The following FER variants were observed in gnomAD, a reference collection of about 807,000 sequenced individuals.
FER encodes tyrosine-protein kinase Fer.
A neutral mutation model predicts 111.0 loss-of-function variants in FER; 63 were observed. That is an observed-to-expected ratio of 0.57 (90% CI 0.46 to 0.70). FER has a LOEUF of 0.70. Ranked by LOEUF, FER falls within the 30% of genes least tolerant of loss-of-function variation. The pLI, the probability that FER is intolerant of heterozygous loss-of-function variation, is 0.00. For synonymous variants in FER, 327 were observed against 313.9 expected, an observed-to-expected ratio of 1.04 and a Z score of -0.44; for missense variants, 914 against 954.0, an observed-to-expected ratio of 0.96 and a Z score of 0.55.
intron 17 of FER, among the ~76,000 whole-genome samples, chr5:109,176,839 A>C (rs1561994395): frequency 6.6e-6 from 1 of 152,226 alleles, no homozygotes; most frequent in Non-Finnish European, 1.5e-5. Context: ...TCTGCCAAGG[A>C]GTACACTTGG....
At chr5:109,035,506 A>G (rs113572490) in intron 13 of FER, among the ~76,000 whole-genome samples, 375 of 152,308 alleles carry the variant, frequency 2.5e-3, no homozygotes, top group African/African-American at 8.5e-3. Flanking sequence ...AGTTCCCTGA[A>G]TGTACCAAAA....
intron 19 of FER, 83 bp downstream of exon 19, chr5:109,186,405 G>T (rs1367897979): frequency 6.2e-7 from 1 of 1,600,444 alleles, no homozygotes; most frequent in Non-Finnish European, 8.5e-7. Flanking sequence ...TTGAGGAGGG[G>T]TGTGTTAAAT....
At chr5:109,089,061 G>C (rs1182372788) in intron 16 of FER, among the ~76,000 whole-genome samples, 1 of 152,170 alleles carries the variant, frequency 6.6e-6, no homozygotes, top group Non-Finnish European at 1.5e-5. Context: ...ATGGCAGTTT[G>C]TATTTGGCAT....
At chr5:108,923,829 C>A (rs886311986) in intron 10 of FER, among the ~76,000 whole-genome samples, 3 of 151,810 alleles carry the variant, frequency 2.0e-5, no homozygotes, top group Non-Finnish European at 4.4e-5. Flanking sequence ...ATATTCTTTT[C>A]CTTTGAATGA....
At chr5:108,993,617 A>G (rs113040855) in intron 13 of FER, among the ~76,000 whole-genome samples, 15,206 of 104,508 alleles carry the variant, frequency 0.15, 915 homozygotes, top group African/African-American at 0.2. Flanking sequence ...GGGAGAGGGC[A>G]AGGGCGAGGG....
chr5:109,157,786 T>A (rs970434656), intron 17 of FER, among the ~76,000 whole-genome samples: 1 of 152,164 alleles, frequency 6.6e-6, no homozygotes, highest in Non-Finnish European at 1.5e-5. Context: ...AGAACTTTGA[T>A]GCATTTATTC....
chr5:108,962,259 T>C (rs1759245053), intron 13 of FER, among the ~76,000 whole-genome samples: 2 of 152,182 alleles, frequency 1.3e-5, no homozygotes, highest in African/African-American at 4.8e-5. Context: ...TGGAAGAAAT[T>C]TTTGTAAAGA....
At chr5:109,011,591 C>G (rs1040138911) in intron 13 of FER, among the ~76,000 whole-genome samples, 4 of 152,138 alleles carry the variant, frequency 2.6e-5, no homozygotes, top group African/African-American at 9.7e-5. Context: ...CATGGTTATC[C>G]TTCTCTCACA....
chr5:108,824,541 C>T (rs1406270592), intron 3 of FER, among the ~76,000 whole-genome samples: 3 of 151,886 alleles, frequency 2.0e-5, no homozygotes, highest in East Asian at 1.9e-4. Flanking sequence ...TCCTATGTAT[C>T]GTATTATTTT....
chr5:108,794,918 TA>T (rs1755841325), intron 2 of FER, among the ~76,000 whole-genome samples: 1 of 152,242 alleles, frequency 6.6e-6, no homozygotes, highest in East Asian at 1.9e-4. Flanking sequence ...CATGAATATT[TA>T]CATCTTTCTA....
chr5:108,810,813 G>C (rs762590659), intron 3 of FER, among the ~76,000 whole-genome samples: 6 of 152,180 alleles, frequency 3.9e-5, no homozygotes, highest in Non-Finnish European at 5.9e-5. Flanking sequence ...TGTTTCAGCT[G>C]TCTGGAGATC....
intron 16 of FER, among the ~76,000 whole-genome samples, chr5:109,050,322 A>G (rs1464554255): frequency 6.6e-6 from 1 of 152,234 alleles, no homozygotes; most frequent in Non-Finnish European, 1.5e-5. Context: ...GGAATTATAT[A>G]ATGTAAACAC....
chr5:109,179,132 A>G (rs1758014693), intron 17 of FER, among the ~76,000 whole-genome samples: 1 of 152,170 alleles, frequency 6.6e-6, no homozygotes, highest in East Asian at 1.9e-4. Flanking sequence ...ATTCCCAAAG[A>G]TATTCTGTGT....
chr5:108,761,977 C>A (rs1358941575), intron 1 of FER, among the ~76,000 whole-genome samples: 4 of 152,122 alleles, frequency 2.6e-5, no homozygotes, highest in African/African-American at 7.2e-5. Context: ...GTGGCATGAT[C>A]TCAGCTCACT....
intron 5 of FER, chr5:108,841,887 TA>T: frequency 2.6e-6 from 1 of 382,194 alleles, no homozygotes; most frequent in Non-Finnish European, 5.1e-6. Context: ...CTGGGATTTG[TA>T]AGGATTAGTA....
At chr5:108,753,563 A>G (rs1750735734) in intron 1 of FER, among the ~76,000 whole-genome samples, 1 of 152,172 alleles carries the variant, frequency 6.6e-6, no homozygotes, top group Non-Finnish European at 1.5e-5. Flanking sequence ...GCTACACGTT[A>G]CTGTCTTAAA....
At chr5:109,018,886 A>G (rs1767552278) in intron 13 of FER, among the ~76,000 whole-genome samples, 1 of 151,716 alleles carries the variant, frequency 6.6e-6, no homozygotes, top group East Asian at 1.9e-4. Flanking sequence ...GAAATGTAAA[A>G]TAGAACAGGA....
chr5:109,018,094 GACTTAATACTTTGGATTTTT>G (rs1767436899), intron 13 of FER, among the ~76,000 whole-genome samples: 1 of 151,806 alleles, frequency 6.6e-6, no homozygotes, highest in African/African-American at 2.4e-5. Flanking sequence ...CTAGTCAAAT[GACTTAATACTTTGGATTTTT>G]TACTTCTACT....
At chr5:109,051,310 A>G in intron 16 of FER, 6 of 1,555,126 alleles carry the variant, frequency 3.9e-6, no homozygotes, top group East Asian at 2.2e-5. Context: ...TCAAGCCTGT[A>G]TCTAGATCTC....
Sources: gnomAD v4.1 joint callset for allele counts (sites outside exome capture counted in the v4.1 genomes callset) on GRCh38, gnomAD v4.1.1 for gene constraint, MANE v1.5 for transcripts, NCBI Gene and HGNC (gene_info 2026-07-23, HGNC 2026-07-21) for gene names.